Variants in GAK observed in about 807,000 individuals in gnomAD.
The protein encoded by GAK is cyclin-G-associated kinase.
Under a neutral mutation model 143.9 loss-of-function variants are expected in GAK, and 79 were observed. The ratio of observed to expected loss-of-function variants is 0.55; its 90% confidence interval spans 0.46 to 0.66. The LOEUF (loss-of-function observed/expected upper bound fraction) is 0.66. Ranked by LOEUF, GAK falls within the 30% of genes least tolerant of loss-of-function variation. GAK has a pLI of 0.00. For missense variants in GAK, 1,693 were observed against 1,779.7 expected (o/e 0.95, Z 0.88); for synonymous variants, 881 against 765.5 (o/e 1.15, Z -2.49).
At chr4:894,978 CAAATAAAT>C (rs1553885659) in intron 7 of GAK, among the ~76,000 whole-genome samples, 31 of 126,566 alleles carry the variant, frequency 2.4e-4, no homozygotes, top group Middle Eastern at 7.9e-3. Context: ...GACTCTGTCT[CAAATAAAT>C]AAATAAATAA....
chr4:876,526 G>A lies in GAK; in HGVS notation c.2054+4C>T, dbSNP rs377279183. On this transcript the variant is annotated splice_donor_region_variant and intron_variant, in intron 18 of 27. Transcript: ENST00000314167. ...CCCACCGAGCACAAGCGGTACCAAC[G>A]TACTTGGCAAATTTCACAGTGGTGG... The A allele has an allele frequency of 2.3e-4, 374 of 1,613,344 alleles. No homozygotes were observed. Among genetic ancestry groups the A allele is most frequent in the Admixed American group, 1.3e-4 (8 of 60,002 alleles).
intron 3 of GAK, chr4:912,343 C>G (rs11248057): frequency 0.28 from 100,628 of 363,098 alleles, 15,509 homozygotes; most frequent in South Asian, 0.41. Flanking sequence ...ACGAGAGGGG[C>G]GGCTGAGAAG....
In GAK at chr4:884,089, G is replaced by A. The variant is rs1715742514; in HGVS notation, c.1206-3C>T. On this transcript the variant is annotated splice_polypyrimidine_tract_variant and splice_region_variant and intron_variant, in intron 11 of 27. Coordinates refer to ENST00000314167, the MANE Select transcript of GAK (RefSeq NM_005255.4). ...TGTCCAGGTCACCCTTTGCATAACT[G>A]GAATTAAAAAGAAGAGAACTTGGTT... 3.7e-6 allele frequency: 6 copies of A among 1,612,896 alleles called. No individual in the cohort carries two copies. The highest frequency in any genetic ancestry group is 1.3e-5 in the African/African-American group (1 of 75,040).
chr4:932,002 C>T lies in GAK; in HGVS notation c.145+41G>A, dbSNP rs1490380348. The T allele has an allele frequency of 4.2e-5, 60 of 1,414,672 alleles. No individual in the cohort carries two copies. Among genetic ancestry groups the T allele is most frequent in the Non-Finnish European group, 5.5e-5 (56 of 1,022,408 alleles). 87.6% of individuals were successfully genotyped at this position (1,414,672 alleles called of 1,614,324 possible). A position where few individuals can be genotyped will look rare whatever the true frequency, so the allele number is the denominator to read the frequency against. ...GCTGCCCCCAGCGTCCCGGAGACAA[C>T]ACTCCGCGGCCGCACCCGCGCTGCC... is the stretch of plus-strand genomic sequence containing the variant. On this transcript the variant is annotated intron_variant, in intron 1 of 27. Transcript: ENST00000314167. This position sits in a 1 kb window ranked among gnomAD's most constrained non-coding sequence, Gnocchi z 4.0.
chr4:876,433 G>A (rs543091674), intron 18 of GAK, 97 bp downstream of exon 18: 6 of 1,045,120 alleles, frequency 5.7e-6, no homozygotes, highest in East Asian at 2.4e-5. Context: ...CACACAGCCC[G>A]CCACTCCCCC....
At position 923,293 on chromosome 4, in the gene GAK, G is replaced by A. The variant is rs151305079; in HGVS notation, c.145+8750C>T. ...CAGTTTATTTAAAAATAATAGTAACGTATAAGACATTAAAGAATGGCATGT... is the reference window on the plus strand; with the variant it reads ...CAGTTTATTTAAAAATAATAGTAACATATAAGACATTAAAGAATGGCATGT... On this transcript the variant is annotated intron_variant, in intron 1 of 27. Transcript: ENST00000314167. Among the ~76,000 whole-genome samples, 549 of 152,230 alleles carry A rather than the reference G, an allele frequency of 3.6e-3. 3 individuals carry two copies. Among genetic ancestry groups the A allele is most frequent in the Non-Finnish European group, 6.0e-3 (411 of 68,022 alleles).
intron 15 of GAK, 35 bp from the exon 16 acceptor site, chr4:877,844 G>A: frequency 6.6e-7 from 1 of 1,518,258 alleles, no homozygotes; most frequent in African/African-American, 1.4e-5. Flanking sequence ...CACGTGACGT[G>A]CCCTGAGAGG....
intron 15 of GAK, among the ~76,000 whole-genome samples, chr4:880,447 T>G (rs892584331): frequency 6.6e-6 from 1 of 152,084 alleles, no homozygotes; most frequent in Non-Finnish European, 1.5e-5. Flanking sequence ...GAAGAAAGGG[T>G]CTCGGCCAGG....
chr4:851,910 G>T lies in GAK; in HGVS notation c.3348C>A (p.Ser1116Arg). The part of the protein sequence containing the change: ...IPKTATTPKG[S>R]SSWQTSRPPA... ...GCGGCCGACTTGTCTGCCAGGAGCTGCTGCCTTTGGGCGTGGTGGCCGTTT... is the reference window on the plus strand; with the variant it reads ...GCGGCCGACTTGTCTGCCAGGAGCTTCTGCCTTTGGGCGTGGTGGCCGTTT... The change falls in exon 25 of 28, where the codon AGC (serine) becomes AGA (arginine). Residue 1116 changes from serine to arginine, a missense_variant. This residue lies in a region of GAK where 822 missense variants were observed against 788.7 expected (regional missense o/e 1.04). Coordinates refer to ENST00000314167, the MANE Select transcript of GAK (RefSeq NM_005255.4). 1 of 1,613,012 alleles carries T rather than the reference G, an allele frequency of 6.2e-7. No homozygotes were observed. Among genetic ancestry groups the T allele is most frequent in the Non-Finnish European group, 8.5e-7 (1 of 1,179,224 alleles).
chr4:920,851 A>G (rs1723823159), intron 1 of GAK, among the ~76,000 whole-genome samples: 2 of 152,162 alleles, frequency 1.3e-5, no homozygotes, highest in East Asian at 3.9e-4. Flanking sequence ...CCCAGATACT[A>G]TTTTGTTAAA....
chr4:875,709 G>A (rs555569059), intron 18 of GAK, among the ~76,000 whole-genome samples: 56 of 152,230 alleles, frequency 3.7e-4, no homozygotes, highest in Non-Finnish European at 6.5e-4. Context: ...ATGGGAGGCC[G>A]AGGCAGGTGG....
At chr4:924,977 G>C (rs527339844) in intron 1 of GAK, among the ~76,000 whole-genome samples, 103 of 151,732 alleles carry the variant, frequency 6.8e-4, no homozygotes, top group Middle Eastern at 3.4e-3. Context: ...AGTTCTGCCC[G>C]GGGGCTGCTC....
chr4:866,397 G>A lies in GAK; in HGVS notation c.3010C>T (p.Pro1004Ser), dbSNP rs764663793. ...PSFPSAHSAP[P>S]PSCSADFLHL... is the part of the protein sequence containing the mutation. ...AGGAAGTCGGCGCTGCAGGATGGGG[G>A]CGGAGCACTGTGGGCAGACGGGAAG... The change falls in exon 22 of 28, where the codon CCC becomes TCC. Residue 1004 changes from proline to serine, a missense_variant. Around this residue, in one of 2 missense-constraint regions of GAK, gnomAD observed 822 missense variants for 788.7 expected, o/e 1.04. Coordinates refer to ENST00000314167, the MANE Select transcript of GAK (RefSeq NM_005255.4). The A allele has an allele frequency of 1.2e-6, 2 of 1,614,068 alleles. No homozygotes were observed. The highest frequency in any genetic ancestry group is 1.1e-5 in the South Asian group (1 of 91,090).
In GAK at chr4:877,809, C is replaced by A. The variant is rs765873348; in HGVS notation, c.1662G>T (p.Arg554Ser). The stretch of plus-strand genomic sequence containing the variant: ...CCATGTCACACATGTACTCGATGTA[C>A]CTGGGGGCAGACGTGCCGCGTCACC... Reference protein sequence around the residue: ...CPPGIWPSHKRYIEYMCDMVA... With the variant: ...CPPGIWPSHKSYIEYMCDMVA... The change falls in exon 16 of 28, where the codon AGG (arginine) becomes AGT (serine). Residue 554 changes from arginine (R) to serine (S), a missense_variant and splice_region_variant. This residue lies in a region of GAK where 871 missense variants were observed against 991.0 expected (regional missense o/e 0.88). Coordinates refer to ENST00000314167, the MANE Select transcript of GAK (RefSeq NM_005255.4). The A allele has an allele frequency of 6.3e-7, 1 of 1,581,870 alleles. No homozygotes were observed. Among genetic ancestry groups the A allele is most frequent in the South Asian group, 1.1e-5 (1 of 88,058 alleles).
At chr4:883,167 C>T in intron 13 of GAK, 148 bp downstream of exon 13, 1 of 928,808 alleles carries the variant, frequency 1.1e-6, no homozygotes, top group Non-Finnish European at 1.6e-6. Flanking sequence ...CACCTCGCCC[C>T]CTCCTGTCCC....
chr4:856,074 G>C (rs1749068818), intron 24 of GAK, among the ~76,000 whole-genome samples: 2 of 152,158 alleles, frequency 1.3e-5, no homozygotes, highest in African/African-American at 4.8e-5. Context: ...TGACCTCCTG[G>C]GCTCAAGCGA....
intron 27 of GAK, 56 bp from the exon 28 acceptor site, chr4:849,830 C>CGGGGGGG: frequency 1.7e-6 from 2 of 1,172,346 alleles, no homozygotes; most frequent in African/African-American, 1.8e-5. Flanking sequence ...GCGGGCGGGG[C>CGGGGGGG]AGGACCCCCC....
rs116234163 is a variant in GAK at position 887,353 on chromosome 4, G to T, written c.1205+1494C>A. ...CATGCTCACTCACAGGCACTCCTAC[G>T]CATGCATACATGTGCACACAGCTCA... On this transcript the variant is annotated intron_variant, in intron 11 of 27. Transcript: ENST00000314167. 1,363 of 142,598 alleles carry T rather than the reference G, an allele frequency of 9.6e-3. 12 individuals carry two copies. Among genetic ancestry groups the T allele is most frequent in the Middle Eastern group, 0.053 (11 of 206 alleles). 8.8% of individuals were successfully genotyped at this position (142,598 alleles called of 1,614,324 possible).
chr4:914,516 C>G (rs373194886), intron 1 of GAK, among the ~76,000 whole-genome samples: 3 of 97,668 alleles, frequency 3.1e-5, no homozygotes, highest in East Asian at 4.4e-4. Context: ...CACACACACA[C>G]AGCCCCAGCG....
Sources: gnomAD v4.1 joint callset for allele counts (sites outside exome capture counted in the v4.1 genomes callset) on GRCh38, gnomAD v4.1.1 for gene constraint, gnomAD v4.1.1 regional missense constraint, Gnocchi (gnomAD v3.1) non-coding constraint, MANE v1.5 for transcripts, NCBI Gene and HGNC (gene_info 2026-07-23, HGNC 2026-07-21) for gene names.